SLC8A1: variants seen among roughly 807,000 people sequenced by gnomAD.
SLC8A1 encodes the protein sodium/calcium exchanger 1.
SLC8A1 carries 18 observed loss-of-function variants against 68.3 expected under a neutral mutation model. That is an observed-to-expected ratio of 0.26 (90% confidence interval 0.18 to 0.39). The LOEUF (loss-of-function observed/expected upper bound fraction) is 0.39. Among genes scored for constraint, SLC8A1 ranks in the 10% least tolerant of loss-of-function variants. The pLI is 1.00. For missense variants in SLC8A1, 985 were observed against 1,156.7 expected (o/e 0.85, Z 2.15); for synonymous variants, 475 against 415.5 (o/e 1.14, Z -1.74).
chr2:40,451,552 G>A (rs1020553704), intron 1 of SLC8A1, among the ~76,000 whole-genome samples: 2 of 152,098 alleles, frequency 1.3e-5, no homozygotes, highest in Non-Finnish European at 2.9e-5. Context: ...AGCTCTTCGC[G>A]CCCTGAATCC....
chr2:40,445,071 T>A (rs191877466), intron 1 of SLC8A1, among the ~76,000 whole-genome samples: 34 of 152,328 alleles, frequency 2.2e-4, no homozygotes, highest in Non-Finnish European at 4.0e-4. Context: ...TGAGCACCCA[T>A]GTGTCAGAAA....
chr2:40,357,512 A>C (rs1200972832), intron 2 of SLC8A1, among the ~76,000 whole-genome samples: 3 of 151,516 alleles, frequency 2.0e-5, no homozygotes, highest in Non-Finnish European at 4.4e-5. Flanking sequence ...AAAAAAAAAA[A>C]AAAAACACAA....
chr2:40,473,378 T>C (rs1039139104), intron 1 of SLC8A1, among the ~76,000 whole-genome samples: 1 of 152,178 alleles, frequency 6.6e-6, no homozygotes, highest in Non-Finnish European at 1.5e-5. Context: ...TCCCTCACTA[T>C]TTAACCAGCT....
chr2:40,469,731 T>C (rs548727232), intron 1 of SLC8A1, among the ~76,000 whole-genome samples: 4 of 152,162 alleles, frequency 2.6e-5, no homozygotes, highest in African/African-American at 9.7e-5. Flanking sequence ...TTCCTATATA[T>C]GTTTATAAGC....
chr2:40,390,223 G>A (rs887563060), intron 2 of SLC8A1, among the ~76,000 whole-genome samples: 11 of 152,032 alleles, frequency 7.2e-5, no homozygotes, highest in African/African-American at 2.2e-4. Context: ...ATCGTTTCCC[G>A]TACTCTTCAC....
intron 1 of SLC8A1, among the ~76,000 whole-genome samples, chr2:40,450,801 G>A (rs752502701): frequency 6.6e-6 from 1 of 152,220 alleles, no homozygotes; most frequent in Admixed American, 6.5e-5. Flanking sequence ...CTAGCGCAAA[G>A]CATGACTTTC....
intron 2 of SLC8A1, among the ~76,000 whole-genome samples, chr2:40,284,286 C>T (rs1313095885): frequency 6.7e-6 from 1 of 148,864 alleles, no homozygotes; most frequent in Admixed American, 6.8e-5. Flanking sequence ...CATCTCTGAT[C>T]TCGCTATATA....
intron 1 of SLC8A1, among the ~76,000 whole-genome samples, chr2:40,450,934 C>T (rs749202676): frequency 1.3e-5 from 2 of 152,120 alleles, no homozygotes; most frequent in Non-Finnish European, 2.9e-5. Context: ...CCAGCCCAAG[C>T]CATTCATCAA....
chr2:40,221,541 G>T (rs1419383232), intron 2 of SLC8A1, among the ~76,000 whole-genome samples: 1 of 152,152 alleles, frequency 6.6e-6, no homozygotes, highest in African/African-American at 2.4e-5. Context: ...GGGCAGTCAG[G>T]CAAGAGAAAG....
chr2:40,475,450 A>C (rs1704234180), intron 1 of SLC8A1, among the ~76,000 whole-genome samples: 1 of 152,058 alleles, frequency 6.6e-6, no homozygotes, highest in Non-Finnish European at 1.5e-5. Context: ...ATTATTGAGG[A>C]CCCAAAAAAC....
chr2:40,428,908 T>C, exon 2 of SLC8A1: 1 of 1,613,812 alleles, frequency 6.2e-7, no homozygotes, highest in Non-Finnish European at 8.5e-7. Flanking sequence ...TTCAGTAAAT[T>C]CATAATCAGA....
intron 2 of SLC8A1, among the ~76,000 whole-genome samples, chr2:40,290,057 A>G (rs967967869): frequency 2.2e-4 from 34 of 152,046 alleles, no homozygotes; most frequent in Non-Finnish European, 1.8e-4. Context: ...TTAAAATGAC[A>G]TAAGTCAATT....
intron 2 of SLC8A1, among the ~76,000 whole-genome samples, chr2:40,379,582 T>G (rs1559454217): frequency 6.6e-6 from 1 of 151,954 alleles, no homozygotes; most frequent in African/African-American, 2.4e-5. Flanking sequence ...TTGACTATGT[T>G]GTGCAGCCAT....
At chr2:40,216,956 C>T (rs1014253028) in intron 2 of SLC8A1, among the ~76,000 whole-genome samples, 7 of 152,150 alleles carry the variant, frequency 4.6e-5, no homozygotes, top group African/African-American at 1.7e-4. Flanking sequence ...GTTGCCTGTT[C>T]ACTCTGAGGA....
chr2:40,333,437 C>CA (rs11392390), intron 2 of SLC8A1, among the ~76,000 whole-genome samples: 30,353 of 72,758 alleles, frequency 0.42, 5,780 homozygotes, highest in African/African-American at 0.59. Context: ...GACTCCGTCT[C>CA]AAAAAAAAAA....
intron 2 of SLC8A1, among the ~76,000 whole-genome samples, chr2:40,279,511 A>G (rs1187622351): frequency 6.6e-6 from 1 of 152,226 alleles, no homozygotes; most frequent in Admixed American, 6.5e-5. Flanking sequence ...TCTGAAACAT[A>G]ATGGAACAAT....
At chr2:40,212,281 A>ATGTTTTTTTTTTTTTTTTTTTTTTTT (rs371395367) in intron 2 of SLC8A1, among the ~76,000 whole-genome samples, 2 of 118,212 alleles carry the variant, frequency 1.7e-5, no homozygotes, top group African/African-American at 3.1e-5. Flanking sequence ...GAGATGCAAT[A>ATGTTTTTTTTTTTTTTTTTTTTTTTT]TCTTTTTTTT....
intron 2 of SLC8A1, among the ~76,000 whole-genome samples, chr2:40,364,620 G>T (rs919789445): frequency 1.3e-5 from 2 of 151,212 alleles, no homozygotes; most frequent in Non-Finnish European, 2.9e-5. Flanking sequence ...GATTCCTTTT[G>T]TTCGGCAGAT....
intron 2 of SLC8A1, among the ~76,000 whole-genome samples, chr2:40,246,502 T>C (rs1277632200): frequency 1.3e-5 from 2 of 152,220 alleles, no homozygotes; most frequent in Non-Finnish European, 2.9e-5. Context: ...AGCAGAACCT[T>C]GGATAACAGC....
Sources: allele counts gnomAD v4.1 joint callset (sites outside exome capture counted in the v4.1 genomes callset), GRCh38; gene constraint gnomAD v4.1.1; transcripts MANE v1.5; gene names NCBI Gene and HGNC (gene_info 2026-07-23, HGNC 2026-07-21).